CLEC16A: variants seen among roughly 807,000 people sequenced by gnomAD.
CLEC16A encodes protein CLEC16A.
CLEC16A carries 51 observed loss-of-function variants against 109.5 expected under a neutral mutation model. The observed-to-expected ratio is 0.47, with a 90% confidence interval of 0.37 to 0.59. CLEC16A has a LOEUF of 0.59. CLEC16A is among the 20% of genes least tolerant of loss of function. The probability of loss-of-function intolerance (pLI) is 0.00; values close to 1 mark genes in which losing one functional copy is unlikely to be tolerated. For synonymous variants in CLEC16A, 673 were observed against 564.2 expected, an observed-to-expected ratio of 1.19 and a Z score of -2.73; for missense variants, 1,339 against 1,394.0, an observed-to-expected ratio of 0.96 and a Z score of 0.63.
chr16:10,951,763 C>T (rs115647779), intron 1 of CLEC16A, among the ~76,000 whole-genome samples: 2,393 of 152,268 alleles, frequency 0.016, 59 homozygotes, highest in African/African-American at 0.054. Flanking sequence ...AATTTGCTGC[C>T]GTTAAGTAGC....
intron 22 of CLEC16A, among the ~76,000 whole-genome samples, chr16:11,162,493 C>CA (rs1053951238): frequency 7.9e-5 from 12 of 152,118 alleles, no homozygotes; most frequent in African/African-American, 2.9e-4. Flanking sequence ...CAGACAAGCA[C>CA]AAAAAATAAC....
chr16:11,059,829 G>A (rs2048388425), intron 18 of CLEC16A, among the ~76,000 whole-genome samples: 1 of 152,198 alleles, frequency 6.6e-6, no homozygotes, highest in South Asian at 2.1e-4. Context: ...TGAGGAAAAG[G>A]AAGCTCACAG....
intron 19 of CLEC16A, among the ~76,000 whole-genome samples, chr16:11,093,936 G>T (rs2050457283): frequency 6.6e-6 from 1 of 152,164 alleles, no homozygotes; most frequent in African/African-American, 2.4e-5. Flanking sequence ...GTTCAGGGAT[G>T]GGGCAGGCTT....
intron 22 of CLEC16A, among the ~76,000 whole-genome samples, chr16:11,137,765 C>T (rs1180101435): frequency 1.3e-5 from 2 of 151,880 alleles, no homozygotes; most frequent in Non-Finnish European, 2.9e-5. Flanking sequence ...ACCAAGGTCG[C>T]ACCACTGCAC....
rs2041911321 is a variant in CLEC16A at position 10,954,818 on chromosome 16, T to G, written c.81-2964T>G. The stretch of plus-strand genomic sequence containing the variant: ...TCACGACTCCTGCCCTGAAGCCCTC[T>G]TTCCCTGTTTGAATCTAGCCTGATC... On this transcript the variant is annotated intron_variant, in intron 1 of 23. Coordinates refer to ENST00000409790, the MANE Select transcript of CLEC16A (RefSeq NM_015226.3). The surrounding 1 kb of genome is among the most constrained non-coding windows in gnomAD (Gnocchi z 4.2). Among the ~76,000 whole-genome samples the G allele has an allele frequency of 3.3e-5, 5 of 152,236 alleles. No individual in the cohort carries two copies. In the South Asian group the frequency reaches 8.3e-4, roughly 25 times the overall value.
At chr16:11,136,807 C>A (rs993676384) in intron 22 of CLEC16A, among the ~76,000 whole-genome samples, 3 of 152,216 alleles carry the variant, frequency 2.0e-5, no homozygotes, top group African/African-American at 7.2e-5. Context: ...CACATCCTGT[C>A]CCCTGGGGTG....
chr16:11,024,573 T>C, intron 12 of CLEC16A: 1 of 419,062 alleles, frequency 2.4e-6, no homozygotes, highest in South Asian at 2.7e-5. Flanking sequence ...GAATACCTGG[T>C]GAATGATTGT....
At chr16:10,981,586 C>G (rs867857062) in intron 9 of CLEC16A, among the ~76,000 whole-genome samples, 1 of 152,258 alleles carries the variant, frequency 6.6e-6, no homozygotes, top group Non-Finnish European at 1.5e-5. Context: ...GTCTCTCTCA[C>G]TCTATACCCT....
chr16:11,112,096 G>A (rs1156970450), intron 19 of CLEC16A, among the ~76,000 whole-genome samples: 1 of 152,190 alleles, frequency 6.6e-6, no homozygotes, highest in Non-Finnish European at 1.5e-5. Flanking sequence ...TCTCAGTGCC[G>A]ATGTGCCATC....
At chr16:10,964,162 A>G (rs2042389083) in intron 3 of CLEC16A, among the ~76,000 whole-genome samples, 1 of 152,192 alleles carries the variant, frequency 6.6e-6, no homozygotes, top group Non-Finnish European at 1.5e-5. Context: ...GGAGAGGTGA[A>G]AGGGCTGCTG....
chr16:11,155,509 G>C (rs900560070), intron 22 of CLEC16A, among the ~76,000 whole-genome samples: 2 of 152,248 alleles, frequency 1.3e-5, no homozygotes, highest in African/African-American at 4.8e-5. Flanking sequence ...CCACAGGTCT[G>C]CCAGGGCAGA....
In CLEC16A at chr16:11,178,550, A is replaced by G. The variant is rs1202216319; in HGVS notation, c.3022A>G (p.Thr1008Ala). The change falls in exon 24 of 24, where the codon ACC (threonine) becomes GCC (alanine). Residue 1008 changes from threonine to alanine, a missense_variant. Physicochemically the swap from Thr to Ala is moderately conservative, Grantham distance 58 (BLOSUM62 0). Transcript: ENST00000409790. This position sits in a 1 kb window ranked among gnomAD's most constrained non-coding sequence, Gnocchi z 6.5. ...TADTLSVESL[T>A]LVPPVDPHSL... ...TGACACGCTGAGCGTCGAATCGCTG[A>G]CCCTTGTCCCCCCAGTTGACCCCCA... 1.9e-6 allele frequency: 3 copies of G among 1,612,534 alleles called. No individual in the cohort carries two copies. Among genetic ancestry groups the G allele is most frequent in the Admixed American group, 1.7e-5 (1 of 60,016 alleles).
chr16:10,995,670 G>A (rs1029077144), intron 10 of CLEC16A, among the ~76,000 whole-genome samples: 11 of 152,170 alleles, frequency 7.2e-5, no homozygotes, highest in South Asian at 6.2e-4. Context: ...CCATGGTGGC[G>A]TGTGATATGG....
intron 11 of CLEC16A, among the ~76,000 whole-genome samples, chr16:11,013,836 G>C (rs2045583187): frequency 6.6e-6 from 1 of 152,116 alleles, no homozygotes; most frequent in African/African-American, 2.4e-5. Flanking sequence ...CTACTCGGGA[G>C]GCTGAGGCAG....
intron 22 of CLEC16A, among the ~76,000 whole-genome samples, chr16:11,158,112 C>A (rs548063648): frequency 6.6e-6 from 1 of 152,054 alleles, no homozygotes; most frequent in Admixed American, 6.5e-5. Context: ...AGGAAGGAGC[C>A]GACAAGGGGA....
Position 11,027,235 on chromosome 16 carries a change from G to T in CLEC16A, c.1537+2314G>T, listed in dbSNP as rs945483253. 5 of 1,519,996 alleles carry T rather than the reference G, an allele frequency of 3.3e-6. No homozygotes were observed. The South Asian group carries it at 3.4e-5, about 10-fold the overall frequency. The allele number at this position is 1,519,996 out of a possible 1,614,324, so 94.2% of individuals were successfully genotyped here. A position where few individuals can be genotyped will look rare whatever the true frequency, so the allele number is the denominator to read the frequency against. The stretch of plus-strand genomic sequence containing the variant: ...AAACCTGACAAGGTGCATCTCAGAC[G>T]ACTAGAAGTGAAACCTCATGCCGTG... On this transcript the variant is annotated intron_variant, in intron 13 of 23. Transcript: ENST00000409790.
intron 22 of CLEC16A, among the ~76,000 whole-genome samples, chr16:11,144,573 T>C (rs1304937506): frequency 6.6e-6 from 1 of 152,188 alleles, no homozygotes; most frequent in East Asian, 1.9e-4. Context: ...GGAGCCCTCA[T>C]GCCTGTAGGA....
chr16:11,132,624 T>C (rs930165601), intron 22 of CLEC16A, among the ~76,000 whole-genome samples: 12 of 152,346 alleles, frequency 7.9e-5, no homozygotes, highest in African/African-American at 2.6e-4. Context: ...TTCTGAGGAA[T>C]TGCCAGACCG....
intron 19 of CLEC16A, among the ~76,000 whole-genome samples, chr16:11,109,186 G>C (rs55680739): frequency 7.4e-6 from 1 of 135,544 alleles, no homozygotes. Flanking sequence ...TTTTTTATTA[G>C]ATGGAGTCTC....
Sources: gnomAD v4.1 joint callset for allele counts (sites outside exome capture counted in the v4.1 genomes callset) on GRCh38, gnomAD v4.1.1 for gene constraint, Gnocchi (gnomAD v3.1) non-coding constraint, MANE v1.5 for transcripts, NCBI Gene and HGNC (gene_info 2026-07-23, HGNC 2026-07-21) for gene names.